Variants in CDC42SE2 observed in about 807,000 individuals in gnomAD.
CDC42SE2 encodes the protein CDC42 small effector 2, also known as CDC42 small effector protein 2.
In CDC42SE2, 3 loss-of-function variants were observed where a neutral mutation model predicts 11.5. The ratio of observed to expected loss-of-function variants is 0.26; its 90% CI spans 0.12 to 0.67. The LOEUF (loss-of-function observed/expected upper bound fraction) is 0.67, where lower values mean the gene tolerates loss of function less well. Ranked by LOEUF, CDC42SE2 falls within the 30% of genes least tolerant of loss-of-function variation. The probability of loss-of-function intolerance (pLI) is 0.80; values close to 1 mark genes in which losing one functional copy is unlikely to be tolerated. For synonymous variants in CDC42SE2, 33 were observed against 34.8 expected (o/e 0.95, Z 0.18); for missense variants, 82 against 106.8 (o/e 0.77, Z 1.02).
intron 3 of CDC42SE2, among the ~76,000 whole-genome samples, chr5:131,385,277 T>A (rs938709955): frequency 6.6e-6 from 1 of 152,190 alleles, no homozygotes; most frequent in African/African-American, 2.4e-5. Flanking sequence ...GAATAAAACT[T>A]AAGCAGTTAT....
At chr5:131,296,896 T>TA (rs766187748) in intron 1 of CDC42SE2, among the ~76,000 whole-genome samples, 26 of 152,124 alleles carry the variant, frequency 1.7e-4, no homozygotes, top group African/African-American at 9.7e-5. Flanking sequence ...TTCTTTTTTT[T>TA]ATTGAAGATT....
intron 2 of CDC42SE2, among the ~76,000 whole-genome samples, chr5:131,350,052 A>G (rs186588369): frequency 6.6e-6 from 1 of 152,228 alleles, no homozygotes. Flanking sequence ...TAGATTACAG[A>G]GTAATTGAGT....
At chr5:131,333,182 G>A (rs577283301) in intron 2 of CDC42SE2, among the ~76,000 whole-genome samples, 33 of 152,204 alleles carry the variant, frequency 2.2e-4, no homozygotes, top group South Asian at 8.3e-4. Flanking sequence ...AGCTTTCTAC[G>A]TATGGGTAGC....
intron 1 of CDC42SE2, among the ~76,000 whole-genome samples, chr5:131,289,410 C>T (rs892315136): frequency 5.3e-5 from 8 of 152,176 alleles, no homozygotes; most frequent in African/African-American, 1.4e-4. Context: ...CAGTGGCTCA[C>T]GCCTGTAATC....
intron 3 of CDC42SE2, among the ~76,000 whole-genome samples, chr5:131,370,404 T>C (rs1318951147): frequency 6.6e-6 from 1 of 152,142 alleles, no homozygotes; most frequent in East Asian, 1.9e-4. Flanking sequence ...ATAGGCAACG[T>C]TAAGTGGAGT....
In CDC42SE2 at chr5:131,392,632, A is replaced by AAACAGGTGTGGT. The variant is rs766927094; in HGVS notation, c.*1542_*1553dup. ...TTTGAGAGCAAGGACCTGTGGTTGT[A>AAACAGGTGTGGT]AACAGGTGTGGTTACAGGTGTGGTT... On this transcript the variant is annotated 3_prime_UTR_variant, in exon 5 of 5. Coordinates refer to ENST00000505065, the MANE Select transcript of CDC42SE2 (RefSeq NM_001375635.1). The AAACAGGTGTGGT allele has an allele frequency of 6.6e-6, 1 of 152,370 alleles. No homozygotes were observed. The highest frequency in any genetic ancestry group is 1.5e-5 in the Non-Finnish European group (1 of 68,038). 9.4% of individuals were successfully genotyped at this position (152,370 alleles called of 1,614,324 possible).
chr5:131,309,342 T>A (rs371335449), intron 1 of CDC42SE2, among the ~76,000 whole-genome samples: 29 of 149,778 alleles, frequency 1.9e-4, no homozygotes, highest in Admixed American at 6.1e-4. Context: ...GCTGGATTCG[T>A]TTTGCCAGTA....
chr5:131,381,230 T>A (rs192650111), intron 3 of CDC42SE2, among the ~76,000 whole-genome samples: 16 of 152,302 alleles, frequency 1.1e-4, no homozygotes, highest in African/African-American at 3.1e-4. Context: ...AATTGCACAC[T>A]CTCTGCTGAA....
intron 3 of CDC42SE2, 118 bp from the exon 4 acceptor site, chr5:131,385,425 A>G: frequency 1.6e-6 from 1 of 622,620 alleles, no homozygotes; most frequent in Non-Finnish European, 2.8e-6. Context: ...GTGGCAGTCT[A>G]AGAGCTAGGC....
chr5:131,235,664 G>A, the CDC42SE2 span, among the ~76,000 whole-genome samples: 7 of 151,558 alleles, frequency 4.6e-5, no homozygotes, highest in Admixed American at 1.3e-4. Context: ...GCATGGTCTC[G>A]GCTCACTGCA....
chr5:131,349,731 A>G (rs1325814635), intron 2 of CDC42SE2, among the ~76,000 whole-genome samples: 2 of 152,170 alleles, frequency 1.3e-5, no homozygotes, highest in African/African-American at 4.8e-5. Context: ...AAAATAATGA[A>G]TATGAAGACT....
chr5:131,377,337 T>G (rs991396701), intron 3 of CDC42SE2, among the ~76,000 whole-genome samples: 5 of 151,864 alleles, frequency 3.3e-5, no homozygotes, highest in African/African-American at 1.2e-4. Flanking sequence ...CCTGGCTAAT[T>G]TTTTGTATTT....
intron 1 of CDC42SE2, among the ~76,000 whole-genome samples, chr5:131,288,505 T>C (rs1048605564): frequency 1.3e-5 from 2 of 150,840 alleles, no homozygotes; most frequent in African/African-American, 4.9e-5. Context: ...TTTCGATTCC[T>C]TTTTTTTTAG....
At chr5:131,246,866 C>A (rs1756598085) in intron 1 of CDC42SE2, among the ~76,000 whole-genome samples, 1 of 150,502 alleles carries the variant, frequency 6.6e-6, no homozygotes, top group African/African-American at 2.4e-5. Flanking sequence ...ACCTCAGCCT[C>A]CTGAGTAGCT....
the CDC42SE2 span, among the ~76,000 whole-genome samples, chr5:131,233,981 C>T: frequency 6.6e-6 from 1 of 152,268 alleles, no homozygotes; most frequent in East Asian, 1.9e-4. Context: ...AGACCTCCAT[C>T]CCTACCTTTT....
At chr5:131,345,587 T>C (rs1301141065) in intron 2 of CDC42SE2, among the ~76,000 whole-genome samples, 5 of 152,204 alleles carry the variant, frequency 3.3e-5, no homozygotes, top group African/African-American at 1.2e-4. Flanking sequence ...AGGGTATTAT[T>C]CAGGAGAACT....
At chr5:131,283,932 G>T (rs922803420) in intron 1 of CDC42SE2, among the ~76,000 whole-genome samples, 6 of 152,182 alleles carry the variant, frequency 3.9e-5, no homozygotes, top group African/African-American at 1.4e-4. Context: ...GAACATTCAT[G>T]TACAAGTTTT....
chr5:131,338,500 A>T (rs917382307), intron 2 of CDC42SE2, among the ~76,000 whole-genome samples: 1 of 152,244 alleles, frequency 6.6e-6, no homozygotes, highest in African/African-American at 2.4e-5. Flanking sequence ...TTCATTAAAG[A>T]ATCTCTGCAA....
intron 2 of CDC42SE2, among the ~76,000 whole-genome samples, chr5:131,323,380 G>C (rs80334274): frequency 0.013 from 1,907 of 151,776 alleles, 32 homozygotes; most frequent in African/African-American, 0.039. Context: ...TATTTAAAAA[G>C]CTTATGAAGT....
Sources: allele counts gnomAD v4.1 joint callset (sites outside exome capture counted in the v4.1 genomes callset), GRCh38; gene constraint gnomAD v4.1.1; transcripts MANE v1.5; gene names NCBI Gene and HGNC (gene_info 2026-07-23, HGNC 2026-07-21).